SLC35E4: variants seen among roughly 807,000 people sequenced by gnomAD.
SLC35E4 encodes solute carrier family 35 member E4, also known as solute carrier family 35, member E4.
Under a neutral mutation model 19.3 loss-of-function variants are expected in SLC35E4, and 15 were observed. That is an observed-to-expected ratio of 0.78 (90% CI 0.52 to 1.20). The LOEUF is 1.20. Ranked by LOEUF, SLC35E4 falls within the 50% of genes most tolerant of loss-of-function variation. The pLI is 0.00. For synonymous variants in SLC35E4, 219 were observed against 219.9 expected, an observed-to-expected ratio of 1.00 and a Z score of 0.04; for missense variants, 406 against 472.3, an observed-to-expected ratio of 0.86 and a Z score of 1.30.
chr22:30,651,427 ATTTTT>A (rs1160256288), downstream of SLC35E4, among the ~76,000 whole-genome samples: 3 of 22,156 alleles, frequency 1.4e-4, no homozygotes, highest in Admixed American at 8.5e-4. Context: ...ATATATATAT[ATTTTT>A]TTTTTTTTTT....
chr22:30,651,423 ATATAT>A (rs2088217060), downstream of SLC35E4, among the ~76,000 whole-genome samples: 1 of 37,468 alleles, frequency 2.7e-5, no homozygotes, highest in African/African-American at 1.0e-4. Context: ...ATATATATAT[ATATAT>A]TTTTTTTTTT....
At chr22:30,649,112 G>C, downstream of SLC35E4, 1 of 712,146 alleles carries the variant, frequency 1.4e-6, no homozygotes, top group South Asian at 1.5e-5. Flanking sequence ...AGAACACCTG[G>C]AACCTAATCC....
chr22:30,642,660 G>C (rs1172899465), intron 1 of SLC35E4, among the ~76,000 whole-genome samples: 1 of 148,062 alleles, frequency 6.8e-6, no homozygotes, highest in Non-Finnish European at 1.5e-5. Context: ...AGAATCTCTT[G>C]AACCAGGGAG....
chr22:30,659,345 A>T (rs1389661875), intron 2 of SLC35E4, among the ~76,000 whole-genome samples: 1 of 152,078 alleles, frequency 6.6e-6, no homozygotes. Context: ...GATGACCCAG[A>T]TGTTGGAATT....
chr22:30,654,137 G>A (rs542645847), intron 2 of SLC35E4: 9 of 229,224 alleles, frequency 3.9e-5, no homozygotes, highest in East Asian at 1.4e-4. Context: ...CCGCCACCAC[G>A]CCCGGCTATT....
chr22:30,651,371 T>TGTGTG (rs1555899347), downstream of SLC35E4, among the ~76,000 whole-genome samples: 5 of 41,202 alleles, frequency 1.2e-4, no homozygotes, highest in Non-Finnish European at 2.0e-4. Flanking sequence ...TGGCTAATTT[T>TGTGTG]TGTGTGTGTG....
At chr22:30,641,965 C>T (rs5997717) in intron 1 of SLC35E4, among the ~76,000 whole-genome samples, 3,251 of 152,042 alleles carry the variant, frequency 0.021, 101 homozygotes, top group African/African-American at 0.074. Context: ...GAGATAGGAG[C>T]CCTGCAGAGA....
At chr22:30,648,401 C>A (rs1318071525), downstream of SLC35E4, among the ~76,000 whole-genome samples, 3 of 152,136 alleles carry the variant, frequency 2.0e-5, no homozygotes, top group Non-Finnish European at 4.4e-5. Context: ...CTCCTCCCTT[C>A]CCACAGCTTA....
At position 30,647,521 on chromosome 22, in the gene SLC35E4, G is replaced by C. The variant is rs181976412; in HGVS notation, c.*490G>C. The C allele has an allele frequency of 6.4e-6, 1 of 157,416 alleles. No individual in the cohort carries two copies. Among genetic ancestry groups the C allele is most frequent in the Admixed American group, 6.3e-5 (1 of 15,942 alleles). 9.8% of individuals were successfully genotyped at this position (157,416 alleles called of 1,614,324 possible). On this transcript the variant is annotated 3_prime_UTR_variant, in exon 2 of 2. Coordinates refer to ENST00000343605, the MANE Select transcript of SLC35E4 (RefSeq NM_001001479.4). ...AATGGGGACTCCCAGGGAGACCTGC[G>C]TTCCATCCCTGCCTGCCTCACCCCT...
chr22:30,642,602 A>C (rs1166123626), intron 1 of SLC35E4, among the ~76,000 whole-genome samples: 1 of 151,838 alleles, frequency 6.6e-6, no homozygotes, highest in Non-Finnish European at 1.5e-5. Flanking sequence ...TTAGCTGGGC[A>C]TGCTGGTGCA....
At chr22:30,658,754 G>A (rs1022069290) in intron 2 of SLC35E4, among the ~76,000 whole-genome samples, 5 of 152,164 alleles carry the variant, frequency 3.3e-5, no homozygotes, top group African/African-American at 1.2e-4. Flanking sequence ...TCCAGTGAAT[G>A]AGAACTGAAC....
chr22:30,654,868 G>A, intron 2 of SLC35E4: 1 of 180,702 alleles, frequency 5.5e-6, no homozygotes. Flanking sequence ...AACAGGGAAG[G>A]GCATGGGGCC....
At chr22:30,659,367 ACT>A (rs1371185611) in intron 2 of SLC35E4, among the ~76,000 whole-genome samples, 1 of 151,422 alleles carries the variant, frequency 6.6e-6, no homozygotes, top group Non-Finnish European at 1.5e-5. Context: ...TCAGAAAAAG[ACT>A]CTTTTTTTCT....
At chr22:30,638,097 A>G (rs55844758) in intron 1 of SLC35E4, among the ~76,000 whole-genome samples, 32,236 of 152,022 alleles carry the variant, frequency 0.21, 6,302 homozygotes, top group African/African-American at 0.52. Context: ...TGGGCATGGT[A>G]TCTCATGCCT....
Position 30,636,268 on chromosome 22 carries a change from C to G in SLC35E4, c.-183C>G. On this transcript the variant is annotated 5_prime_UTR_variant, in exon 1 of 2. Coordinates refer to ENST00000343605, the MANE Select transcript of SLC35E4 (RefSeq NM_001001479.4). ...GGCTCTGCCCTGTCTGAGCTGGAAA[C>G]ACAGCTTAGCTTCTAGACATCGCTG... 1 of 899,110 alleles carries G rather than the reference C, an allele frequency of 1.1e-6. No homozygotes were observed. The highest frequency in any genetic ancestry group is 1.6e-6 in the Non-Finnish European group (1 of 628,108). The allele number at this position is 899,110 out of a possible 1,614,324, so 55.7% of individuals were successfully genotyped here. A position where few individuals can be genotyped will look rare whatever the true frequency, so the allele number is the denominator to read the frequency against.
chr22:30,663,655 C>T (rs767138750), downstream of SLC35E4: 7 of 1,614,150 alleles, frequency 4.3e-6, no homozygotes, highest in Admixed American at 5.0e-5. Context: ...ATGAGGTAGG[C>T]GAGGCACAGG....
downstream of SLC35E4, among the ~76,000 whole-genome samples, chr22:30,651,745 C>T (rs949213273): frequency 7.9e-5 from 12 of 151,884 alleles, no homozygotes; most frequent in East Asian, 1.9e-4. Context: ...GAGTGGGTAT[C>T]GGTTGTATTG....
intron 2 of SLC35E4, among the ~76,000 whole-genome samples, chr22:30,656,983 A>T (rs79813181): frequency 0.045 from 6,879 of 152,168 alleles, 341 homozygotes; most frequent in East Asian, 0.24. Context: ...ATTAAAACTT[A>T]AAAAAGGAGG....
chr22:30,657,584 C>T (rs557495431), intron 2 of SLC35E4, among the ~76,000 whole-genome samples: 21 of 151,878 alleles, frequency 1.4e-4, no homozygotes, highest in Admixed American at 9.2e-4. Flanking sequence ...TATGGTGAGA[C>T]GCTGTCTCTA....
Sources: allele counts gnomAD v4.1 joint callset (sites outside exome capture counted in the v4.1 genomes callset), GRCh38; gene constraint gnomAD v4.1.1; transcripts MANE v1.5; gene names NCBI Gene and HGNC (gene_info 2026-07-23, HGNC 2026-07-21).